The following CTNNA3 variants were observed in gnomAD, a reference collection of about 807,000 sequenced individuals.
CTNNA3 encodes the protein catenin alpha-3.
A neutral mutation model predicts 95.7 loss-of-function variants in CTNNA3; 76 were observed. The ratio of observed to expected loss-of-function variants is 0.79; its 90% CI spans 0.66 to 0.96. The LOEUF (loss-of-function observed/expected upper bound fraction) is 0.96. Ranked by LOEUF, CTNNA3 falls within the 40% of genes least tolerant of loss-of-function variation. The pLI is 0.00. For synonymous variants in CTNNA3, 431 were observed against 374.4 expected, an observed-to-expected ratio of 1.15 and a Z score of -1.74; for missense variants, 1,191 against 1,089.8, an observed-to-expected ratio of 1.09 and a Z score of -1.31.
intron 11 of CTNNA3, among the ~76,000 whole-genome samples, chr10:66,476,537 G>T (rs1341139384): frequency 5.3e-5 from 8 of 151,766 alleles, no homozygotes; most frequent in Non-Finnish European, 1.0e-4. Flanking sequence ...TAAAATAGTT[G>T]ATTAAAACTT....
At chr10:66,507,734 C>T (rs925901005) in intron 11 of CTNNA3, among the ~76,000 whole-genome samples, 5 of 151,784 alleles carry the variant, frequency 3.3e-5, no homozygotes, top group African/African-American at 7.3e-5. Flanking sequence ...ATTACATTTT[C>T]TTTATTTATT....
chr10:66,530,066 A>G (rs979624580), intron 10 of CTNNA3, among the ~76,000 whole-genome samples: 1 of 152,210 alleles, frequency 6.6e-6, no homozygotes. Context: ...ATTACTTAAA[A>G]GGTGAAAATA....
intron 15 of CTNNA3, among the ~76,000 whole-genome samples, chr10:66,020,838 A>AT (rs896352776): frequency 6.6e-5 from 10 of 151,442 alleles, no homozygotes; most frequent in South Asian, 6.3e-4. Context: ...TACCCAGCTA[A>AT]TTTTTTTTGT....
intron 7 of CTNNA3, among the ~76,000 whole-genome samples, chr10:66,853,191 CTTTCA>C (rs1019352617): frequency 1.3e-5 from 2 of 152,064 alleles, no homozygotes; most frequent in African/African-American, 4.8e-5. Flanking sequence ...TGGCCATGCT[CTTTCA>C]TTTATCTATT....
intron 3 of CTNNA3, among the ~76,000 whole-genome samples, chr10:67,597,560 G>A (rs1842965766): frequency 6.6e-6 from 1 of 152,180 alleles, no homozygotes; most frequent in African/African-American, 2.4e-5. Context: ...TGTGCTGCAT[G>A]CTCTAACCCT....
At chr10:67,148,912 C>G (rs2394328) in intron 7 of CTNNA3, among the ~76,000 whole-genome samples, 97,097 of 152,010 alleles carry the variant, frequency 0.64, 32,011 homozygotes, top group African/African-American at 0.81. Context: ...CATTTTGGCT[C>G]CTCTTATCTT....
At chr10:66,184,331 T>C (rs1470547804) in intron 13 of CTNNA3, among the ~76,000 whole-genome samples, 1 of 152,128 alleles carries the variant, frequency 6.6e-6, no homozygotes, top group African/African-American at 2.4e-5. Flanking sequence ...TTAACTTTAA[T>C]GTAGTTAAAC....
At chr10:66,082,399 A>G (rs540293324) in intron 14 of CTNNA3, among the ~76,000 whole-genome samples, 54 of 152,314 alleles carry the variant, frequency 3.5e-4, no homozygotes, top group African/African-American at 1.2e-3. Flanking sequence ...ATTCTATAAA[A>G]TACTTCATCT....
At chr10:67,203,088 T>C (rs1422382786) in intron 6 of CTNNA3, among the ~76,000 whole-genome samples, 1 of 152,176 alleles carries the variant, frequency 6.6e-6, no homozygotes, top group African/African-American at 2.4e-5. Context: ...CCTTGTTCCA[T>C]TTCCTATCTT....
At chr10:67,495,271 C>T (rs569883717) in intron 5 of CTNNA3, among the ~76,000 whole-genome samples, 1 of 152,230 alleles carries the variant, frequency 6.6e-6, no homozygotes, top group East Asian at 1.9e-4. Flanking sequence ...CCCTGACACC[C>T]TCTCTCCACT....
rs529366602 is a variant in CTNNA3 at position 66,498,702 on chromosome 10, G to A, written c.1531+21915C>T. Among the ~76,000 whole-genome samples the A allele has an allele frequency of 2.0e-5, 3 of 152,254 alleles. No homozygotes were observed. In the East Asian group the frequency reaches 5.8e-4, roughly 29 times the overall value. On this transcript the variant is annotated intron_variant, in intron 11 of 17. Transcript: ENST00000433211. ...AGCTTCATCTTTTACATTGGTGAAAGGTGCAGAGTGATCATTCTGTGCAAT... is the reference window on the plus strand; with the variant it reads ...AGCTTCATCTTTTACATTGGTGAAAAGTGCAGAGTGATCATTCTGTGCAAT...
chr10:67,077,875 A>T (rs953357930), intron 7 of CTNNA3, among the ~76,000 whole-genome samples: 3 of 152,200 alleles, frequency 2.0e-5, no homozygotes, highest in African/African-American at 7.2e-5. Context: ...AAAAGATAGA[A>T]ATCTTTTTAT....
At chr10:65,997,790 G>T (rs1245673651) in intron 15 of CTNNA3, among the ~76,000 whole-genome samples, 1 of 152,158 alleles carries the variant, frequency 6.6e-6, no homozygotes, top group Non-Finnish European at 1.5e-5. Context: ...GCCGAGATGG[G>T]TGGATCACCT....
chr10:67,313,804 A>G (rs1554821875), intron 5 of CTNNA3, among the ~76,000 whole-genome samples: 1 of 152,220 alleles, frequency 6.6e-6, no homozygotes, highest in Non-Finnish European at 1.5e-5. Flanking sequence ...TCACTACCTT[A>G]GGCAAAATGG....
At chr10:66,003,465 T>A (rs191747456) in intron 15 of CTNNA3, among the ~76,000 whole-genome samples, 179 of 152,256 alleles carry the variant, frequency 1.2e-3, no homozygotes, top group African/African-American at 4.1e-3. Context: ...ACCCTTTACC[T>A]GTTAGTGTTG....
At chr10:67,696,983 C>G (rs1840977407), upstream of CTNNA3, among the ~76,000 whole-genome samples, 1 of 152,120 alleles carries the variant, frequency 6.6e-6, no homozygotes, top group African/African-American at 2.4e-5. Flanking sequence ...TTTTGGCAGT[C>G]CTGTTCTTAA....
At chr10:66,694,391 A>G (rs4313464) in intron 9 of CTNNA3, among the ~76,000 whole-genome samples, 27,074 of 151,930 alleles carry the variant, frequency 0.18, 3,055 homozygotes, top group East Asian at 0.33. Flanking sequence ...CGACACATAC[A>G]CCCTCCCAAG....
chr10:66,067,422 T>C (rs904041929), intron 15 of CTNNA3, among the ~76,000 whole-genome samples: 9 of 152,222 alleles, frequency 5.9e-5, no homozygotes, highest in Admixed American at 3.3e-4. Context: ...ACCTTATTTG[T>C]CCCATCATAT....
At chr10:66,057,054 T>A (rs1204431513) in intron 15 of CTNNA3, among the ~76,000 whole-genome samples, 1 of 152,140 alleles carries the variant, frequency 6.6e-6, no homozygotes, top group African/African-American at 2.4e-5. Context: ...CTGCTCCTAT[T>A]TAGTCTACCT....
Sources: gnomAD v4.1 joint callset for allele counts (sites outside exome capture counted in the v4.1 genomes callset) on GRCh38, gnomAD v4.1.1 for gene constraint, MANE v1.5 for transcripts, NCBI Gene and HGNC (gene_info 2026-07-23, HGNC 2026-07-21) for gene names.